Variants in OTOGL observed in about 807,000 individuals in gnomAD.
OTOGL encodes the protein otogelin like.
A neutral mutation model predicts 318.5 loss-of-function variants in OTOGL; 285 were observed. The ratio of observed to expected loss-of-function variants is 0.89; its 90% CI spans 0.81 to 0.99. The LOEUF (loss-of-function observed/expected upper bound fraction) is 0.99, where lower values mean the gene tolerates loss of function less well. OTOGL is among the 50% of genes least tolerant of loss of function. The probability of loss-of-function intolerance (pLI) is 0.00; values close to 1 mark genes in which losing one functional copy is unlikely to be tolerated. For missense variants in OTOGL, 2,899 were observed against 2,845.6 expected, an observed-to-expected ratio of 1.02 and a Z score of -0.43; for synonymous variants, 987 against 936.5, an observed-to-expected ratio of 1.05 and a Z score of -0.99.
intron 24 of OTOGL, among the ~76,000 whole-genome samples, chr12:80,274,182 A>T (rs1453638242): frequency 1.3e-5 from 2 of 152,104 alleles, no homozygotes; most frequent in Non-Finnish European, 2.9e-5. Flanking sequence ...AGGAAGGCAT[A>T]TTGAAAGCTG....
chr12:80,134,895 A>T (rs924307558), intron 1 of OTOGL, among the ~76,000 whole-genome samples: 1 of 152,086 alleles, frequency 6.6e-6, no homozygotes, highest in South Asian at 2.1e-4. Flanking sequence ...ACAGTTTTCC[A>T]AGTCCTGAAA....
At chr12:80,347,450 T>C (rs1220156411) in intron 44 of OTOGL, among the ~76,000 whole-genome samples, 2 of 152,214 alleles carry the variant, frequency 1.3e-5, no homozygotes, top group African/African-American at 4.8e-5. Context: ...GCTTCATCCA[T>C]GTCCCTGCAA....
chr12:80,150,178 G>T (rs1012543740), intron 1 of OTOGL, among the ~76,000 whole-genome samples: 5 of 152,144 alleles, frequency 3.3e-5, no homozygotes, highest in Non-Finnish European at 5.9e-5. Context: ...GTGACCAAAG[G>T]TCCTGTTCCC....
At chr12:80,266,722 C>T in intron 21 of OTOGL, 106 bp downstream of exon 21, 1 of 1,125,806 alleles carries the variant, frequency 8.9e-7, no homozygotes, top group East Asian at 2.7e-5. Flanking sequence ...TTCTTATTGT[C>T]TTTACTTTTT....
In OTOGL at chr12:80,355,766, C is replaced by T; in HGVS notation, c.5624C>T (p.Thr1875Ile). Reference sequence around the variant, plus strand: ...ACTGATAGTGAAGACCAACCCCGCACTGCTGGGGAGATTTGGAATGGGGGC... The same window carrying T: ...ACTGATAGTGAAGACCAACCCCGCATTGCTGGGGAGATTTGGAATGGGGGC... The part of the protein sequence containing the change: ...ACTDSEDQPR[T>I]AGEIWNGGID... The change falls in exon 47 of 59, where the codon ACT becomes ATT. Residue 1875 changes from threonine (T) to isoleucine (I), a missense_variant. Physicochemically the swap from Thr to Ile is moderately conservative, Grantham distance 89. Transcript: ENST00000547103. The T allele has an allele frequency of 6.2e-7, 1 of 1,613,644 alleles. No individual in the cohort carries two copies. Among genetic ancestry groups the T allele is most frequent in the Non-Finnish European group, 8.5e-7 (1 of 1,179,724 alleles).
At chr12:80,286,617 C>T (rs760209150) in intron 26 of OTOGL, among the ~76,000 whole-genome samples, 1 of 152,016 alleles carries the variant, frequency 6.6e-6, no homozygotes, top group Non-Finnish European at 1.5e-5. Flanking sequence ...TGTATGTGTC[C>T]AGGAATTTAT....
At chr12:80,291,565 G>T (rs945258429) in intron 26 of OTOGL, among the ~76,000 whole-genome samples, 2 of 152,184 alleles carry the variant, frequency 1.3e-5, no homozygotes, top group African/African-American at 4.8e-5. Flanking sequence ...GTCAGAAAGT[G>T]ATGTGCTTTA....
chr12:80,326,818 A>G (rs1887703373), intron 35 of OTOGL, among the ~76,000 whole-genome samples: 2 of 152,242 alleles, frequency 1.3e-5, no homozygotes, highest in Admixed American at 1.3e-4. Flanking sequence ...TCATTAAGAC[A>G]GAAGTTAACT....
Position 80,358,422 on chromosome 12 carries a change from G to T in OTOGL, c.6121+73G>T, listed in dbSNP as rs985012516. ...TAAGAAGCCCAGTGCATCTTAGTTGGCTGTTACATCAGACCCTTTTTCAAA... is the reference window on the plus strand; with the variant it reads ...TAAGAAGCCCAGTGCATCTTAGTTGTCTGTTACATCAGACCCTTTTTCAAA... On this transcript the variant is annotated intron_variant, in intron 50 of 58. Transcript: ENST00000547103. 3.2e-6 allele frequency: 4 copies of T among 1,232,880 alleles called. No homozygotes were observed. In the African/African-American group the frequency reaches 6.0e-5, roughly 19 times the overall value. The allele number at this position is 1,232,880 out of a possible 1,614,324, so 76.4% of individuals were successfully genotyped here.
intron 35 of OTOGL, among the ~76,000 whole-genome samples, chr12:80,327,167 C>G (rs1223809559): frequency 6.6e-6 from 1 of 152,116 alleles, no homozygotes; most frequent in African/African-American, 2.4e-5. Context: ...AAATTGAACT[C>G]TGAGCCTTAA....
Position 80,190,280 on chromosome 12 carries a change from T to C in OTOGL, c.-19-19133T>C, listed in dbSNP as rs77017122. Among the ~76,000 whole-genome samples, 842 of 152,300 alleles carry C rather than the reference T, an allele frequency of 5.5e-3. 10 individuals are homozygous for C. Among genetic ancestry groups the C allele is most frequent in the African/African-American group, 0.019 (794 of 41,562 alleles). ...CCCCAGTCCGGTAAAACGCAGATTTTAATTAGCACAATTTTAAAATATTTT... is the reference window on the plus strand; with the variant it reads ...CCCCAGTCCGGTAAAACGCAGATTTCAATTAGCACAATTTTAAAATATTTT... On this transcript the variant is annotated intron_variant, in intron 1 of 58. Transcript: ENST00000547103.
chr12:80,110,071 T>C (rs1251196726), intron 1 of OTOGL, among the ~76,000 whole-genome samples: 23 of 142,804 alleles, frequency 1.6e-4, no homozygotes, highest in African/African-American at 2.1e-4. Flanking sequence ...TTCTTTCTTT[T>C]TTTTTTTTTT....
chr12:80,194,720 G>T (rs772417516), intron 1 of OTOGL, among the ~76,000 whole-genome samples: 6 of 151,986 alleles, frequency 3.9e-5, no homozygotes, highest in Non-Finnish European at 7.4e-5. Flanking sequence ...TATTTTTTCT[G>T]ATTATAAAAG....
At chr12:80,099,657 A>G (rs1369073880) in intron 1 of OTOGL, 52 bp downstream of exon 1, 1 of 152,228 alleles carries the variant, frequency 6.6e-6, no homozygotes, top group Non-Finnish European at 1.5e-5. Context: ...CAAATCGAGA[A>G]GTAAGGGCAG....
intron 1 of OTOGL, among the ~76,000 whole-genome samples, chr12:80,141,484 T>G (rs1871942744): frequency 6.6e-6 from 1 of 152,184 alleles, no homozygotes; most frequent in African/African-American, 2.4e-5. Context: ...CCAGAGAACT[T>G]GAGTATTCTG....
intron 1 of OTOGL, among the ~76,000 whole-genome samples, chr12:80,127,843 G>T (rs934093175): frequency 3.3e-5 from 5 of 152,142 alleles, no homozygotes; most frequent in African/African-American, 1.2e-4. Flanking sequence ...AGCTACTGAG[G>T]CTTGTGCATG....
Position 80,335,989 on chromosome 12 carries a change from T to C in OTOGL, c.4449T>C (p.Asp1483=). Residue 1483 remains aspartate, a synonymous_variant, in exon 39 of 59, where the codon GAT becomes GAC. Coordinates refer to ENST00000547103, the MANE Select transcript of OTOGL (RefSeq NM_001378609.3). ...CTCAGAAATTTGATCCTGTTTATGA[T>C]TGTAGCCAATACATATGCCTTAATA... ...CEPQKFDPVY[D]CSQYICLNME... 6.3e-7 allele frequency: 1 copy of C among 1,590,432 alleles called. No individual in the cohort carries two copies. Among genetic ancestry groups the C allele is most frequent in the South Asian group, 1.1e-5 (1 of 88,982 alleles).
intron 1 of OTOGL, among the ~76,000 whole-genome samples, chr12:80,127,138 G>A (rs1592473754): frequency 6.6e-6 from 1 of 152,170 alleles, no homozygotes; most frequent in Non-Finnish European, 1.5e-5. Flanking sequence ...TCCTAGCCTT[G>A]ATGGTCTTTA....
chr12:80,144,940 T>C (rs1565877137), intron 1 of OTOGL, among the ~76,000 whole-genome samples: 1 of 151,450 alleles, frequency 6.6e-6, no homozygotes, highest in Non-Finnish European at 1.5e-5. Context: ...GAGTTCATTG[T>C]AGATTCTGGA....
Sources: allele counts gnomAD v4.1 joint callset (sites outside exome capture counted in the v4.1 genomes callset), GRCh38; gene constraint gnomAD v4.1.1; transcripts MANE v1.5; gene names NCBI Gene and HGNC (gene_info 2026-07-23, HGNC 2026-07-21).